LYRM4: variants seen among roughly 807,000 people sequenced by gnomAD.
LYRM4 encodes the protein LYR motif containing 4, also known as LYR motif-containing protein 4.
LYRM4 carries 9 observed loss-of-function variants against 11.7 expected under a neutral mutation model. The observed-to-expected ratio is 0.77, with a 90% CI of 0.46 to 1.34. The LOEUF is 1.34. Ranked by LOEUF, LYRM4 falls within the 40% of genes most tolerant of loss-of-function variation. The probability of loss-of-function intolerance (pLI) is 0.00; values close to 1 mark genes in which losing one functional copy is unlikely to be tolerated. For synonymous variants in LYRM4, 42 were observed against 40.4 expected, an observed-to-expected ratio of 1.04 and a Z score of -0.15; for missense variants, 133 against 112.5, an observed-to-expected ratio of 1.18 and a Z score of -0.82.
chr6:5,245,129 T>A (rs1276187847), intron 1 of LYRM4, among the ~76,000 whole-genome samples: 41 of 57,440 alleles, frequency 7.1e-4, no homozygotes, highest in Non-Finnish European at 1.0e-3. Flanking sequence ...TATATATATA[T>A]ATATATATAT....
chr6:5,061,042 C>T, the LYRM4 span, among the ~76,000 whole-genome samples: 1 of 152,176 alleles, frequency 6.6e-6, no homozygotes, highest in South Asian at 2.1e-4. Flanking sequence ...ACAGGAGAGG[C>T]TCAGAAACAG....
intron 1 of LYRM4, 50 bp downstream of exon 1, chr6:5,260,598 T>TGCCCCGGCCCCGGGCC: frequency 1.8e-6 from 2 of 1,105,568 alleles, no homozygotes; most frequent in Non-Finnish European, 1.3e-6. Flanking sequence ...GCACCCCCGG[T>TGCCCCGGCCCCGGGCC]CCCCGGCCCC....
chr6:5,185,711 T>C (rs1760350003), intron 2 of LYRM4, among the ~76,000 whole-genome samples: 1 of 152,144 alleles, frequency 6.6e-6, no homozygotes, highest in Admixed American at 6.5e-5. Flanking sequence ...TTGTCCGGTT[T>C]CAACACCTGT....
the LYRM4 span, among the ~76,000 whole-genome samples, chr6:5,050,434 C>A: frequency 1.3e-5 from 2 of 151,646 alleles, no homozygotes; most frequent in Non-Finnish European, 2.9e-5. Flanking sequence ...AGCATTGCTG[C>A]AACCATCATT....
chr6:5,106,068 A>T (rs779551627), downstream of LYRM4: 1 of 152,184 alleles, frequency 6.6e-6, no homozygotes, highest in Non-Finnish European at 1.5e-5. Flanking sequence ...CTCATCATTA[A>T]TTTGCACGTG....
the LYRM4 span, among the ~76,000 whole-genome samples, chr6:5,047,753 T>A: frequency 6.6e-6 from 1 of 152,146 alleles, no homozygotes; most frequent in African/African-American, 2.4e-5. Context: ...TAAAAACAAT[T>A]CAAGTTGTAT....
chr6:5,252,562 A>T (rs2753238), intron 1 of LYRM4, among the ~76,000 whole-genome samples: 86 of 152,134 alleles, frequency 5.7e-4, no homozygotes, highest in African/African-American at 2.1e-3. Flanking sequence ...TGGCTGACAC[A>T]GACTGTTGCC....
At chr6:5,131,869 A>C (rs536291697) in intron 2 of LYRM4, among the ~76,000 whole-genome samples, 36 of 152,256 alleles carry the variant, frequency 2.4e-4, no homozygotes, top group Admixed American at 3.9e-4. Context: ...TTTTGTGAAA[A>C]GAAGCAGCAG....
chr6:5,209,420 A>AT (rs1761875131), intron 2 of LYRM4, among the ~76,000 whole-genome samples: 1 of 152,302 alleles, frequency 6.6e-6, no homozygotes, highest in Non-Finnish European at 1.5e-5. Flanking sequence ...CTATTATTAC[A>AT]TTTTTATTGC....
intron 1 of LYRM4, among the ~76,000 whole-genome samples, chr6:5,258,095 A>G (rs1238543696): frequency 6.6e-6 from 1 of 152,176 alleles, no homozygotes; most frequent in East Asian, 1.9e-4. Flanking sequence ...AAAGGCCTGG[A>G]GGCCCAACAG....
intron 1 of LYRM4, among the ~76,000 whole-genome samples, chr6:5,260,348 C>G (rs1283810605): frequency 1.3e-5 from 2 of 152,178 alleles, no homozygotes; most frequent in Non-Finnish European, 2.9e-5. Context: ...CCTTTTTTCT[C>G]TTCTGCAGAA....
intron 2 of LYRM4, among the ~76,000 whole-genome samples, chr6:5,114,087 C>A (rs1009638223): frequency 1.3e-5 from 2 of 152,186 alleles, no homozygotes; most frequent in African/African-American, 4.8e-5. Flanking sequence ...GCTGGAGCAT[C>A]TAGGACAGTT....
chr6:5,196,550 C>T (rs1761066536), intron 2 of LYRM4, among the ~76,000 whole-genome samples: 1 of 152,222 alleles, frequency 6.6e-6, no homozygotes, highest in Non-Finnish European at 1.5e-5. Flanking sequence ...ACAGTGCCTT[C>T]CTCCTAAGAG....
At chr6:5,055,632 C>T in the LYRM4 span, among the ~76,000 whole-genome samples, 1 of 152,202 alleles carries the variant, frequency 6.6e-6, no homozygotes, top group Non-Finnish European at 1.5e-5. This position sits in a 1 kb window ranked among gnomAD's most constrained non-coding sequence, Gnocchi z 4.5. Context: ...GTTTCACGTT[C>T]TTGACTGGTA....
the LYRM4 span, chr6:5,085,191 GCCGCGC>G: frequency 2.4e-6 from 1 of 421,728 alleles, no homozygotes; most frequent in South Asian, 4.7e-5. Flanking sequence ...TGTCCCAGCG[GCCGCGC>G]CTCCCCGCCC....
chr6:5,188,186 C>T (rs977482633), intron 2 of LYRM4, among the ~76,000 whole-genome samples: 3 of 151,880 alleles, frequency 2.0e-5, no homozygotes, highest in Admixed American at 1.3e-4. Flanking sequence ...CCCATGTCTA[C>T]CAAAAACAAA....
intron 2 of LYRM4, chr6:5,136,210 TC>T (rs1316197374): frequency 1.1e-6 from 1 of 878,642 alleles, no homozygotes; most frequent in Non-Finnish European, 1.4e-6. Context: ...TGGGCAAGTA[TC>T]CTTTTGAGTC....
At chr6:5,080,931 T>C in the LYRM4 span, among the ~76,000 whole-genome samples, 18 of 152,260 alleles carry the variant, frequency 1.2e-4, no homozygotes, top group Admixed American at 3.3e-4. Context: ...AAGCTATCCC[T>C]GAGAGAGCCC....
intron 2 of LYRM4, among the ~76,000 whole-genome samples, chr6:5,192,133 G>C (rs757783874): frequency 6.6e-6 from 1 of 152,224 alleles, no homozygotes; most frequent in Non-Finnish European, 1.5e-5. Flanking sequence ...AGAAAAGGCA[G>C]TGGGCTTATA....
Sources: gnomAD v4.1 joint callset for allele counts (sites outside exome capture counted in the v4.1 genomes callset) on GRCh38, gnomAD v4.1.1 for gene constraint, Gnocchi (gnomAD v3.1) non-coding constraint, MANE v1.5 for transcripts, NCBI Gene and HGNC (gene_info 2026-07-23, HGNC 2026-07-21) for gene names.